Variants in EBNA1BP2 observed in about 807,000 individuals in gnomAD.
The protein encoded by EBNA1BP2 is probable rRNA-processing protein EBP2.
A neutral mutation model predicts 43.5 loss-of-function variants in EBNA1BP2; 36 were observed. The ratio of observed to expected loss-of-function variants is 0.83; its 90% CI spans 0.63 to 1.09. The LOEUF is 1.09. Ranked by LOEUF, EBNA1BP2 falls within the 50% of genes least tolerant of loss-of-function variation. EBNA1BP2 has a pLI of 0.00. For missense variants in EBNA1BP2, 332 were observed against 379.1 expected (o/e 0.88, Z 1.03); for synonymous variants, 127 against 141.3 (o/e 0.90, Z 0.72).
chr1:43,169,450 A>G (rs960615179), intron 4 of EBNA1BP2, among the ~76,000 whole-genome samples: 4 of 152,190 alleles, frequency 2.6e-5, no homozygotes. Flanking sequence ...CATTTTAGTT[A>G]AAGGATGAGA....
At chr1:43,166,428 G>A (rs909051852) in intron 7 of EBNA1BP2, among the ~76,000 whole-genome samples, 1 of 152,108 alleles carries the variant, frequency 6.6e-6, no homozygotes, top group Non-Finnish European at 1.5e-5. Context: ...GGCCAACATG[G>A]TGAAACCCTG....
At chr1:43,165,987 G>A (rs1447848177) in intron 7 of EBNA1BP2, among the ~76,000 whole-genome samples, 1 of 152,096 alleles carries the variant, frequency 6.6e-6, no homozygotes, top group Non-Finnish European at 1.5e-5. Flanking sequence ...ATCCCCAAAT[G>A]CCTCTATCAT....
At chr1:43,172,367 G>A (rs1189695676), upstream of EBNA1BP2, 11 of 1,551,600 alleles carry the variant, frequency 7.1e-6, no homozygotes, top group Non-Finnish European at 9.6e-6. Flanking sequence ...CCGCTACGGC[G>A]TTTGAAAGTG....
At chr1:43,171,257 C>A (rs1015380078) in intron 3 of EBNA1BP2, 13 of 575,138 alleles carry the variant, frequency 2.3e-5, no homozygotes, top group Non-Finnish European at 3.1e-5. Flanking sequence ...AAAGTTTTAA[C>A]ATGAATATTT....
At chr1:43,167,894 G>A (rs928926335) in intron 5 of EBNA1BP2, among the ~76,000 whole-genome samples, 3 of 152,058 alleles carry the variant, frequency 2.0e-5, no homozygotes, top group Non-Finnish European at 4.4e-5. Context: ...CTAGATGCCA[G>A]TAGTACCCTC....
intron 7 of EBNA1BP2, among the ~76,000 whole-genome samples, chr1:43,166,614 A>AT (rs548302520): frequency 1.8e-3 from 273 of 152,250 alleles, no homozygotes; most frequent in South Asian, 0.014. Flanking sequence ...CAAAAAAAAA[A>AT]GAAGTTTAAA....
chr1:43,169,469 G>T (rs1439384981), intron 4 of EBNA1BP2, among the ~76,000 whole-genome samples: 1 of 152,172 alleles, frequency 6.6e-6, no homozygotes, highest in African/African-American at 2.4e-5. Context: ...GAAGTTGTCA[G>T]TGAGAATTTG....
chr1:43,171,725 G>A (rs577666775), intron 2 of EBNA1BP2, 74 bp from the exon 3 acceptor site: 1 of 1,582,398 alleles, frequency 6.3e-7, no homozygotes, highest in Admixed American at 1.8e-5. Context: ...GCTGTTAGGC[G>A]AAGGGACAAA....
At chr1:43,171,687 A>G (rs778441909) in intron 2 of EBNA1BP2, 36 bp from the exon 3 acceptor site, 41 of 1,604,276 alleles carry the variant, frequency 2.6e-5, no homozygotes, top group Non-Finnish European at 3.3e-5. Context: ...CAAGAAGGGA[A>G]CTCTGAGTTT....
intron 4 of EBNA1BP2, 45 bp from the exon 5 acceptor site, chr1:43,169,073 T>C: frequency 6.3e-7 from 1 of 1,588,308 alleles, no homozygotes; most frequent in Non-Finnish European, 8.6e-7. Context: ...GAATCTGGAA[T>C]GACCACTACT....
At chr1:43,170,136 C>T (rs1338366227) in intron 4 of EBNA1BP2, among the ~76,000 whole-genome samples, 1 of 152,168 alleles carries the variant, frequency 6.6e-6, no homozygotes, top group Non-Finnish European at 1.5e-5. Flanking sequence ...ATGTAGTTCT[C>T]GGCACACGGA....
intron 4 of EBNA1BP2, among the ~76,000 whole-genome samples, chr1:43,169,528 C>G (rs1644941308): frequency 6.6e-6 from 1 of 152,244 alleles, no homozygotes; most frequent in South Asian, 2.1e-4. Context: ...CAAAAGCTCC[C>G]TAAAATCCAG....
chr1:43,164,435 G>A lies in EBNA1BP2; in HGVS notation c.*8C>T. The A allele has an allele frequency of 1.2e-6, 2 of 1,614,152 alleles. No homozygotes were observed. Among genetic ancestry groups the A allele is most frequent in the Non-Finnish European group, 1.7e-6 (2 of 1,179,994 alleles). ...TTTTTCTTGGTTCTTTGTATTCAAA[G>A]ATGCTATTTAGTGTGTTCTGTTCTT... On this transcript the variant is annotated 3_prime_UTR_variant, in exon 9 of 9. Coordinates refer to ENST00000236051, the MANE Select transcript of EBNA1BP2 (RefSeq NM_006824.3).
chr1:43,172,405 A>G (rs1219658367), upstream of EBNA1BP2: 3 of 1,551,376 alleles, frequency 1.9e-6, no homozygotes, highest in South Asian at 2.4e-5. Flanking sequence ...CCCTACAGGT[A>G]GCGCCTCTGG....
At chr1:43,170,674 G>C in intron 4 of EBNA1BP2, 82 bp downstream of exon 4, 5 of 1,535,690 alleles carry the variant, frequency 3.3e-6, no homozygotes, top group Non-Finnish European at 3.5e-6. Flanking sequence ...CCGTTATTGG[G>C]CTCATAGCTA....
chr1:43,171,948 C>G lies in EBNA1BP2; in HGVS notation c.88G>C (p.Gly30Arg). The change falls in exon 2 of 9, where the codon GGG (glycine) becomes CGG (arginine). Residue 30 changes from glycine to arginine, a missense_variant. This residue lies in a region of EBNA1BP2 where 182 missense variants were observed against 173.7 expected (regional missense o/e 1.05). Coordinates refer to ENST00000236051, the MANE Select transcript of EBNA1BP2 (RefSeq NM_006824.3). Reference protein sequence around the residue: ...DRELQDAFSRGLLKPGLNVVL... With the variant: ...DRELQDAFSRRLLKPGLNVVL... ...ACATTGAGGCCTGGCTTCAGAAGCC[C>G]TCGGGAAAACGCATCCTGCAACTGC... 1 of 1,614,198 alleles carries G rather than the reference C, an allele frequency of 6.2e-7. No homozygotes were observed. Among genetic ancestry groups the G allele is most frequent in the South Asian group, 1.1e-5 (1 of 91,086 alleles).
chr1:43,169,098 G>A, intron 4 of EBNA1BP2, 70 bp from the exon 5 acceptor site: 1 of 1,476,402 alleles, frequency 6.8e-7, no homozygotes, highest in Non-Finnish European at 9.4e-7. Context: ...ATTCGCTAGA[G>A]CAGGGAACAG....
intron 7 of EBNA1BP2, among the ~76,000 whole-genome samples, chr1:43,165,053 T>C (rs1375878916): frequency 6.6e-6 from 1 of 152,198 alleles, no homozygotes; most frequent in African/African-American, 2.4e-5. Context: ...GCTCTACATA[T>C]ATTACATGGC....
chr1:43,169,140 T>C, intron 4 of EBNA1BP2, 112 bp from the exon 5 acceptor site: 5 of 1,162,478 alleles, frequency 4.3e-6, no homozygotes, highest in South Asian at 1.3e-5. Flanking sequence ...GCGGAACTTA[T>C]AAATCATCAG....
Sources: gnomAD v4.1 joint callset for allele counts (sites outside exome capture counted in the v4.1 genomes callset) on GRCh38, gnomAD v4.1.1 for gene constraint, gnomAD v4.1.1 regional missense constraint, MANE v1.5 for transcripts, NCBI Gene and HGNC (gene_info 2026-07-23, HGNC 2026-07-21) for gene names.